The following PROS1 variants were observed in gnomAD, a reference collection of about 807,000 sequenced individuals.
The protein encoded by PROS1 is protein S.
In PROS1, 29 loss-of-function variants were observed where a neutral mutation model predicts 75.9. The observed-to-expected ratio is 0.38, with a 90% confidence interval of 0.28 to 0.52. PROS1 has a LOEUF of 0.52. Among genes scored for constraint, PROS1 ranks in the 20% least tolerant of loss-of-function variants. The pLI is 0.83. For missense variants in PROS1, 680 were observed against 810.3 expected, an observed-to-expected ratio of 0.84 and a Z score of 1.95; for synonymous variants, 245 against 280.6, an observed-to-expected ratio of 0.87 and a Z score of 1.27.
chr3:93,889,942 G>A (rs191111244), intron 10 of PROS1, among the ~76,000 whole-genome samples: 82 of 152,192 alleles, frequency 5.4e-4, no homozygotes, highest in Admixed American at 9.8e-4. Flanking sequence ...GTGCAGGGTC[G>A]GGCAAAATAG....
chr3:93,954,868 A>G (rs892445662), intron 1 of PROS1, among the ~76,000 whole-genome samples: 6 of 152,254 alleles, frequency 3.9e-5, no homozygotes, highest in South Asian at 2.1e-4. Flanking sequence ...AAGAACTTCA[A>G]CAAATTTACA....
intron 3 of PROS1, among the ~76,000 whole-genome samples, chr3:93,914,556 A>G (rs1708810828): frequency 2.0e-5 from 3 of 152,164 alleles, no homozygotes; most frequent in Admixed American, 6.5e-5. Context: ...AAACTGCATC[A>G]AGGTCTTGCT....
At chr3:93,963,738 C>T (rs1251884747) in intron 1 of PROS1, among the ~76,000 whole-genome samples, 13 of 152,176 alleles carry the variant, frequency 8.5e-5, no homozygotes, top group Middle Eastern at 6.8e-3. Flanking sequence ...CCAGATCTCA[C>T]GTGAACCTCT....
At chr3:93,905,235 A>T (rs1397136482) in intron 6 of PROS1, among the ~76,000 whole-genome samples, 1 of 152,248 alleles carries the variant, frequency 6.6e-6, no homozygotes, top group African/African-American at 2.4e-5. Context: ...TTATAATGAA[A>T]TTCCTTATTG....
chr3:93,927,705 G>C (rs1709041167), intron 1 of PROS1, among the ~76,000 whole-genome samples: 1 of 151,336 alleles, frequency 6.6e-6, no homozygotes, highest in Non-Finnish European at 1.5e-5. Context: ...GACTACATCA[G>C]AGAAAACATG....
At chr3:93,938,159 G>T (rs1290782774) in intron 1 of PROS1, among the ~76,000 whole-genome samples, 2 of 152,134 alleles carry the variant, frequency 1.3e-5, no homozygotes, top group African/African-American at 4.8e-5. Context: ...AAGTGAAAAT[G>T]GCTGGTTCCT....
At position 93,973,850 on chromosome 3, in the gene PROS1, G is replaced by T; in HGVS notation, c.-101C>A. On this transcript the variant is annotated 5_prime_UTR_variant, in exon 1 of 15. Transcript: ENST00000394236. Reference sequence around the variant, plus strand: ...TGCGAGCCTGTGCGCCTCGGTCTGAGCCGTGCTGCGCGGCGGCGCCAGCGA... The same window carrying T: ...TGCGAGCCTGTGCGCCTCGGTCTGATCCGTGCTGCGCGGCGGCGCCAGCGA... 3 of 946,326 alleles carry T rather than the reference G, an allele frequency of 3.2e-6. No individual in the cohort carries two copies. The highest frequency in any genetic ancestry group is 4.3e-6 in the Non-Finnish European group (3 of 703,282). The allele number at this position is 946,326 out of a possible 1,614,324, so 58.6% of individuals were successfully genotyped here. A position where few individuals can be genotyped will look rare whatever the true frequency, so the allele number is the denominator to read the frequency against.
At chr3:93,927,881 A>ATG (rs1576198786) in intron 1 of PROS1, among the ~76,000 whole-genome samples, 1 of 118,034 alleles carries the variant, frequency 8.5e-6, no homozygotes, top group African/African-American at 3.0e-5. Flanking sequence ...ATATGTGTGT[A>ATG]TGTGTATATA....
chr3:93,911,794 T>G (rs1169110353), intron 3 of PROS1, among the ~76,000 whole-genome samples: 2 of 152,210 alleles, frequency 1.3e-5, no homozygotes, highest in East Asian at 3.9e-4. Context: ...TATGGGACAC[T>G]GTATAACTTC....
chr3:93,880,640 A>C (rs529855211), intron 12 of PROS1, among the ~76,000 whole-genome samples: 2 of 152,356 alleles, frequency 1.3e-5, no homozygotes, highest in African/African-American at 4.8e-5. Flanking sequence ...AAATCAGGGT[A>C]ATTGGAATTT....
intron 1 of PROS1, among the ~76,000 whole-genome samples, chr3:93,955,242 T>C (rs1210263526): frequency 3.3e-5 from 5 of 152,126 alleles, no homozygotes; most frequent in Non-Finnish European, 7.3e-5. Flanking sequence ...ACCCAAAGGA[T>C]TATAAATCAT....
intron 1 of PROS1, among the ~76,000 whole-genome samples, chr3:93,973,339 C>G (rs1246314199): frequency 2.0e-5 from 3 of 152,160 alleles, no homozygotes; most frequent in African/African-American, 7.2e-5. Context: ...TACTCATAAG[C>G]TAGAATCTGC....
chr3:93,908,182 G>A (rs1054051994), intron 4 of PROS1, among the ~76,000 whole-genome samples: 7 of 152,272 alleles, frequency 4.6e-5, no homozygotes, highest in South Asian at 2.1e-4. Context: ...CTAAGATGAT[G>A]TAACAAGGAA....
At chr3:93,937,896 A>G (rs1709211850) in intron 1 of PROS1, among the ~76,000 whole-genome samples, 1 of 152,192 alleles carries the variant, frequency 6.6e-6, no homozygotes, top group Non-Finnish European at 1.5e-5. Flanking sequence ...AGACGCCTAC[A>G]ATGAAAGGAA....
chr3:93,877,156 A>G lies in PROS1; in HGVS notation c.1680T>C (p.Tyr560=). The G allele has an allele frequency of 1.2e-6, 2 of 1,609,536 alleles. No homozygotes were observed. Among genetic ancestry groups the G allele is most frequent in the African/African-American group, 1.3e-5 (1 of 74,928 alleles). The change falls in exon 14 of 15, where the codon TAT becomes TAC. Residue 560 remains tyrosine, a synonymous_variant. Transcript: ENST00000394236. The stretch of plus-strand genomic sequence containing the variant: ...AACATAGACTTAGGGCCTGTATCCG[A>G]TATATTACAGTATTTTCAACAGATA... ...ILLSVENTVI[Y]RIQALSLCSD...
At chr3:93,884,956 T>G in intron 11 of PROS1, 60 bp from the exon 12 acceptor site, 1 of 1,383,994 alleles carries the variant, frequency 7.2e-7, no homozygotes, top group African/African-American at 1.5e-5. Flanking sequence ...GGCTCGATTA[T>G]GAGTATAGGT....
At chr3:93,972,707 G>T (rs1192140975) in intron 1 of PROS1, among the ~76,000 whole-genome samples, 7 of 151,862 alleles carry the variant, frequency 4.6e-5, no homozygotes, top group Non-Finnish European at 1.0e-4. Flanking sequence ...AAAATAGCCG[G>T]GTGTCGAAGC....
At chr3:93,956,512 G>GTC (rs376634185) in intron 1 of PROS1, among the ~76,000 whole-genome samples, 249 of 98,716 alleles carry the variant, frequency 2.5e-3, no homozygotes, top group Middle Eastern at 7.1e-3. Flanking sequence ...CTCTCTCTCT[G>GTC]TCTCTCTCTC....
At chr3:93,948,044 C>A (rs912109954) in intron 1 of PROS1, among the ~76,000 whole-genome samples, 21 of 152,084 alleles carry the variant, frequency 1.4e-4, no homozygotes, top group African/African-American at 5.1e-4. Context: ...CAGATGTAAA[C>A]AAAAGCAAAA....
Sources: allele counts gnomAD v4.1 joint callset (sites outside exome capture counted in the v4.1 genomes callset), GRCh38; gene constraint gnomAD v4.1.1; transcripts MANE v1.5; gene names NCBI Gene and HGNC (gene_info 2026-07-23, HGNC 2026-07-21).